The following THSD4 variants were observed in gnomAD, a reference collection of about 807,000 sequenced individuals.
THSD4 encodes thrombospondin type 1 domain containing 4.
Under a neutral mutation model 119.0 loss-of-function variants are expected in THSD4, and 69 were observed. The ratio of observed to expected loss-of-function variants is 0.58; its 90% CI spans 0.48 to 0.71. The LOEUF is 0.71. THSD4 is among the 30% of genes least tolerant of loss of function. The pLI is 0.00. For missense variants in THSD4, 1,393 were observed against 1,391.1 expected, an observed-to-expected ratio of 1.00 and a Z score of -0.02; for synonymous variants, 524 against 540.4, an observed-to-expected ratio of 0.97 and a Z score of 0.42.
intron 7 of THSD4, among the ~76,000 whole-genome samples, chr15:71,604,364 A>G (rs2050068070): frequency 6.6e-6 from 1 of 152,210 alleles, no homozygotes; most frequent in South Asian, 2.1e-4. Flanking sequence ...TTGTTTTGCC[A>G]TCTTTTATTC....
chr15:71,506,907 C>A (rs1271875193), intron 7 of THSD4, among the ~76,000 whole-genome samples: 1 of 152,210 alleles, frequency 6.6e-6, no homozygotes, highest in African/African-American at 2.4e-5. Context: ...ATCAGTGTGC[C>A]ATGCAAGTTA....
chr15:71,451,797 G>A (rs1438788657), intron 7 of THSD4, among the ~76,000 whole-genome samples: 4 of 152,130 alleles, frequency 2.6e-5, no homozygotes, highest in African/African-American at 7.2e-5. Context: ...GTAGGTCAGG[G>A]TGGAGGAGGA....
At chr15:71,143,369 A>G (rs997671323) in intron 2 of THSD4, among the ~76,000 whole-genome samples, 5 of 152,162 alleles carry the variant, frequency 3.3e-5, no homozygotes, top group African/African-American at 1.2e-4. Context: ...TTATAAAACT[A>G]TAGGGTAGTG....
At chr15:71,446,343 G>A (rs560955270) in intron 7 of THSD4, among the ~76,000 whole-genome samples, 1 of 152,248 alleles carries the variant, frequency 6.6e-6, no homozygotes, top group South Asian at 2.1e-4. Flanking sequence ...AATTGCCAGT[G>A]TCGTCTTGTA....
chr15:71,378,645 G>T (rs988271669), intron 6 of THSD4, among the ~76,000 whole-genome samples: 40 of 152,302 alleles, frequency 2.6e-4, no homozygotes, highest in Middle Eastern at 3.4e-3. Context: ...TTATGCTTTA[G>T]TTTTTTTAGT....
intron 7 of THSD4, among the ~76,000 whole-genome samples, chr15:71,636,493 G>A (rs2050746061): frequency 6.6e-6 from 1 of 151,962 alleles, no homozygotes; most frequent in Admixed American, 6.6e-5. Flanking sequence ...ATGAAATAAG[G>A]GTAAACAAAA....
chr15:71,258,483 A>C (rs2044348288), intron 6 of THSD4, among the ~76,000 whole-genome samples: 1 of 152,078 alleles, frequency 6.6e-6, no homozygotes, highest in African/African-American at 2.4e-5. Flanking sequence ...CCAGCCTGTA[A>C]ATGGTTTTGT....
At chr15:71,405,218 A>G (rs2046589600) in intron 6 of THSD4, among the ~76,000 whole-genome samples, 1 of 152,186 alleles carries the variant, frequency 6.6e-6, no homozygotes, top group Admixed American at 6.5e-5. Flanking sequence ...GACATAATCT[A>G]AGATGTTTTG....
Position 71,779,334 on chromosome 15 carries a change from C to G in THSD4, c.*1960C>G, listed in dbSNP as rs2053963876. ...CATATTGACTGGTGCTGTTCAGGGC[C>G]TGCTCTTTTCCACTCACCACTTGTT... On this transcript the variant is annotated 3_prime_UTR_variant, in exon 18 of 18. Coordinates refer to ENST00000261862, the MANE Select transcript of THSD4 (RefSeq NM_024817.3). The G allele has an allele frequency of 1.3e-5, 2 of 152,262 alleles. No individual in the cohort carries two copies. The highest frequency in any genetic ancestry group is 1.3e-4 in the Admixed American group (2 of 15,288). 9.4% of individuals were successfully genotyped at this position (152,262 alleles called of 1,614,324 possible).
At chr15:71,561,785 C>A (rs1037511894) in intron 7 of THSD4, among the ~76,000 whole-genome samples, 2 of 152,072 alleles carry the variant, frequency 1.3e-5, no homozygotes, top group African/African-American at 4.8e-5. Context: ...TCCATACCCT[C>A]CCAGGTGGAG....
chr15:71,524,763 A>ATTTTTTTT (rs35666244), intron 7 of THSD4, among the ~76,000 whole-genome samples: 3 of 116,108 alleles, frequency 2.6e-5, no homozygotes, highest in African/African-American at 3.6e-5. Flanking sequence ...CGCCCGGCTA[A>ATTTTTTTT]TTTTTTTTTT....
intron 8 of THSD4, among the ~76,000 whole-genome samples, chr15:71,694,026 AG>A (rs1230137470): frequency 6.7e-6 from 1 of 148,720 alleles, no homozygotes; most frequent in Non-Finnish European, 1.5e-5. Flanking sequence ...AAAAAAAAAA[AG>A]AAAGAAAGAA....
At chr15:71,766,215 T>C (rs1014580722) in intron 16 of THSD4, among the ~76,000 whole-genome samples, 2 of 152,060 alleles carry the variant, frequency 1.3e-5, no homozygotes, top group Non-Finnish European at 2.9e-5. Context: ...GTTGAAGAGT[T>C]CATTTTCAAG....
At chr15:71,595,498 G>A (rs1027676881) in intron 7 of THSD4, among the ~76,000 whole-genome samples, 6 of 152,052 alleles carry the variant, frequency 3.9e-5, no homozygotes, top group Non-Finnish European at 7.4e-5. Flanking sequence ...GCCATGATTC[G>A]GAGGCCTACC....
intron 7 of THSD4, among the ~76,000 whole-genome samples, chr15:71,573,231 A>G (rs1595895320): frequency 6.6e-6 from 1 of 152,200 alleles, no homozygotes; most frequent in South Asian, 2.1e-4. Flanking sequence ...AGTGCCTGAC[A>G]TGCAGTAGGT....
chr15:71,779,750 A>G lies in THSD4; in HGVS notation c.*2376A>G, dbSNP rs376694788. 1.8e-4 allele frequency: 27 copies of G among 152,202 alleles called. No individual in the cohort carries two copies. Among genetic ancestry groups the G allele is most frequent in the African/African-American group, 4.6e-4 (19 of 41,526 alleles). The allele number at this position is 152,202 out of a possible 1,614,324, so 9.4% of individuals were successfully genotyped here. A position where few individuals can be genotyped will look rare whatever the true frequency, so the allele number is the denominator to read the frequency against. On this transcript the variant is annotated 3_prime_UTR_variant, in exon 18 of 18. Transcript: ENST00000261862. ...TTCTTTAAAAGGAGAATGACCCTCC[A>G]TGGGAATGGCCAGCCTGCCAACTGT...
chr15:71,273,305 T>C (rs968834880), intron 6 of THSD4, among the ~76,000 whole-genome samples: 2 of 152,176 alleles, frequency 1.3e-5, no homozygotes, highest in Non-Finnish European at 1.5e-5. Flanking sequence ...AAGATGAATA[T>C]TAGATGATCT....
chr15:71,405,971 G>C (rs111488369), intron 6 of THSD4, among the ~76,000 whole-genome samples: 1 of 152,068 alleles, frequency 6.6e-6, no homozygotes, highest in African/African-American at 2.4e-5. Context: ...ATACAATTAA[G>C]AGGTAGGGTC....
Position 71,384,551 on chromosome 15 carries a change from A to T in THSD4, c.1016-27136A>T, listed in dbSNP as rs376963221. On this transcript the variant is annotated intron_variant, in intron 6 of 17. Transcript: ENST00000261862. ...AGTAGCTAAGCCAAAAGGTTAGCAG[A>T]TTCAATTTTTCTTTCAATTAGTTGC... is the stretch of plus-strand genomic sequence containing the variant. Among the ~76,000 whole-genome samples the T allele has an allele frequency of 4.6e-5, 7 of 152,198 alleles. No individual in the cohort carries two copies. In the East Asian group the frequency reaches 5.8e-4, roughly 13 times the overall value.
Sources: gnomAD v4.1 joint callset for allele counts (sites outside exome capture counted in the v4.1 genomes callset) on GRCh38, gnomAD v4.1.1 for gene constraint, MANE v1.5 for transcripts, NCBI Gene and HGNC (gene_info 2026-07-23, HGNC 2026-07-21) for gene names.